The following CNTNAP2 variants were observed in gnomAD, a reference collection of about 807,000 sequenced individuals.
CNTNAP2 encodes contactin associated protein 2, also known as contactin-associated protein-like 2.
Under a neutral mutation model 155.2 loss-of-function variants are expected in CNTNAP2, and 98 were observed. That is an observed-to-expected ratio of 0.63 (90% CI 0.54 to 0.75). The LOEUF (loss-of-function observed/expected upper bound fraction) is 0.75, where lower values mean the gene tolerates loss of function less well. Ranked by LOEUF, CNTNAP2 falls within the 30% of genes least tolerant of loss-of-function variation. The pLI, the probability that CNTNAP2 is intolerant of heterozygous loss-of-function variation, is 0.00. For synonymous variants in CNTNAP2, 651 were observed against 631.2 expected, an observed-to-expected ratio of 1.03 and a Z score of -0.47; for missense variants, 1,727 against 1,688.1, an observed-to-expected ratio of 1.02 and a Z score of -0.40.
chr7:146,529,995 C>A (rs1207903238), intron 1 of CNTNAP2, among the ~76,000 whole-genome samples: 2 of 151,412 alleles, frequency 1.3e-5, no homozygotes, highest in South Asian at 2.1e-4. Context: ...ACAACAACAA[C>A]AAATCAGATA....
intron 14 of CNTNAP2, among the ~76,000 whole-genome samples, chr7:147,917,898 G>T (rs1171744771): frequency 6.6e-6 from 1 of 152,142 alleles, no homozygotes; most frequent in Non-Finnish European, 1.5e-5. Flanking sequence ...TGGGGCCATT[G>T]TAAGGATATT....
At chr7:146,780,436 G>T (rs751841934) in intron 2 of CNTNAP2, among the ~76,000 whole-genome samples, 3 of 151,874 alleles carry the variant, frequency 2.0e-5, no homozygotes, top group African/African-American at 7.3e-5. Context: ...TGATCCACCC[G>T]CCTCGGCCTC....
At chr7:146,958,481 T>C (rs1236711723) in intron 3 of CNTNAP2, among the ~76,000 whole-genome samples, 2 of 135,402 alleles carry the variant, frequency 1.5e-5, no homozygotes, top group African/African-American at 5.4e-5. Flanking sequence ...TGGCACAATC[T>C]CAGCTCACTG....
At chr7:147,738,986 A>G (rs1489395279) in intron 13 of CNTNAP2, among the ~76,000 whole-genome samples, 1 of 152,116 alleles carries the variant, frequency 6.6e-6, no homozygotes, top group East Asian at 1.9e-4. Context: ...CTAGGAAACC[A>G]AAAAATTCCT....
chr7:146,575,774 T>C (rs1798515060), intron 1 of CNTNAP2, among the ~76,000 whole-genome samples: 1 of 152,136 alleles, frequency 6.6e-6, no homozygotes, highest in Non-Finnish European at 1.5e-5. Flanking sequence ...GGTAGAAAAA[T>C]ATAAGAATGC....
intron 1 of CNTNAP2, among the ~76,000 whole-genome samples, chr7:146,596,260 A>C (rs1798856765): frequency 6.6e-6 from 1 of 152,062 alleles, no homozygotes; most frequent in African/African-American, 2.4e-5. Context: ...TCTGCAAGAC[A>C]TATCAAATGG....
intron 5 of CNTNAP2, among the ~76,000 whole-genome samples, chr7:147,117,759 T>A (rs1382312772): frequency 6.6e-6 from 1 of 152,202 alleles, no homozygotes; most frequent in Non-Finnish European, 1.5e-5. Flanking sequence ...AAATTGCAAC[T>A]TCACTTAGGC....
At chr7:146,513,727 A>G (rs771798689) in intron 1 of CNTNAP2, among the ~76,000 whole-genome samples, 1 of 151,986 alleles carries the variant, frequency 6.6e-6, no homozygotes. Context: ...TCACATTGCA[A>G]TGACAGTGTT....
chr7:147,883,160 T>C (rs1231712275), intron 13 of CNTNAP2, among the ~76,000 whole-genome samples: 1 of 152,100 alleles, frequency 6.6e-6, no homozygotes, highest in African/African-American at 2.4e-5. Context: ...AGTTAGAAAA[T>C]GGGCTCCTCT....
chr7:147,223,339 G>A (rs138944896), intron 8 of CNTNAP2, among the ~76,000 whole-genome samples: 2 of 152,264 alleles, frequency 1.3e-5, no homozygotes, highest in African/African-American at 4.8e-5. Flanking sequence ...ATTCCATGAA[G>A]CAGATTTATT....
At chr7:148,110,801 G>A (rs1804332532) in intron 15 of CNTNAP2, among the ~76,000 whole-genome samples, 1 of 152,066 alleles carries the variant, frequency 6.6e-6, no homozygotes, top group African/African-American at 2.4e-5. Context: ...CAGGAAGTGG[G>A]GGTTCACACT....
intron 21 of CNTNAP2, among the ~76,000 whole-genome samples, chr7:148,269,445 A>G (rs1035601346): frequency 1.5e-4 from 23 of 152,252 alleles, no homozygotes; most frequent in African/African-American, 5.3e-4. Context: ...TGTGAACAAG[A>G]AGAGACTTTG....
At chr7:147,119,536 CCT>C in intron 5 of CNTNAP2, among the ~76,000 whole-genome samples, 1 of 152,282 alleles carries the variant, frequency 6.6e-6, no homozygotes, top group East Asian at 1.9e-4. Context: ...GAATTTTCTT[CCT>C]CTCTCTTCCT....
At chr7:148,048,559 A>G (rs1239100187) in intron 15 of CNTNAP2, among the ~76,000 whole-genome samples, 1 of 152,076 alleles carries the variant, frequency 6.6e-6, no homozygotes, top group African/African-American at 2.4e-5. Context: ...GAGCTGGGGC[A>G]TGTCAGGGGA....
intron 15 of CNTNAP2, among the ~76,000 whole-genome samples, chr7:147,999,564 G>A (rs1480774310): frequency 6.6e-6 from 1 of 152,156 alleles, no homozygotes. Context: ...GTTGTGGGTT[G>A]AATAACATTC....
intron 8 of CNTNAP2, among the ~76,000 whole-genome samples, chr7:147,291,158 T>A (rs1036661434): frequency 5.9e-5 from 9 of 152,122 alleles, no homozygotes; most frequent in African/African-American, 2.2e-4. Context: ...ATTCTTTTTT[T>A]AAATTTTATT....
intron 13 of CNTNAP2, among the ~76,000 whole-genome samples, chr7:147,811,903 TA>T (rs1432687557): frequency 2.0e-5 from 3 of 152,304 alleles, no homozygotes; most frequent in Non-Finnish European, 4.4e-5. Context: ...TCCTGCATTC[TA>T]ATGGGGAAAG....
intron 13 of CNTNAP2, among the ~76,000 whole-genome samples, chr7:147,716,618 G>A (rs972771391): frequency 6.6e-6 from 1 of 152,112 alleles, no homozygotes; most frequent in African/African-American, 2.4e-5. Context: ...CTGGCCCCCA[G>A]GTAGCCCTTT....
At chr7:147,749,858 T>C (rs1393737733) in intron 13 of CNTNAP2, among the ~76,000 whole-genome samples, 2 of 152,204 alleles carry the variant, frequency 1.3e-5, no homozygotes, top group Admixed American at 6.5e-5. Flanking sequence ...CATCTGGCAA[T>C]TGAAGAGATG....
Sources: gnomAD v4.1 joint callset for allele counts (sites outside exome capture counted in the v4.1 genomes callset) on GRCh38, gnomAD v4.1.1 for gene constraint, MANE v1.5 for transcripts, NCBI Gene and HGNC (gene_info 2026-07-23, HGNC 2026-07-21) for gene names.